The following ATP1B3 variants were observed in gnomAD, a reference collection of about 807,000 sequenced individuals.
ATP1B3 encodes the protein ATPase Na+/K+ transporting subunit beta 3, also known as sodium/potassium-transporting ATPase subunit beta-3.
ATP1B3 carries 10 observed loss-of-function variants against 30.2 expected under a neutral mutation model. The ratio of observed to expected loss-of-function variants is 0.33; its 90% CI spans 0.20 to 0.56. The LOEUF is 0.56. ATP1B3 is among the 20% of genes least tolerant of loss of function. The pLI is 0.90. For missense variants in ATP1B3, 238 were observed against 336.7 expected (o/e 0.71, Z 2.29); for synonymous variants, 113 against 117.0 (o/e 0.97, Z 0.22).
chr3:141,878,794 T>C (rs546189636), intron 1 of ATP1B3, among the ~76,000 whole-genome samples: 1 of 152,338 alleles, frequency 6.6e-6, no homozygotes, highest in East Asian at 1.9e-4. Flanking sequence ...GTAATAATAG[T>C]AAGTCAGTGA....
intron 1 of ATP1B3, among the ~76,000 whole-genome samples, chr3:141,898,598 A>G (rs984420568): frequency 2.6e-5 from 4 of 152,230 alleles, no homozygotes; most frequent in Non-Finnish European, 5.9e-5. Context: ...ACACAGTAAA[A>G]GAAGTGTTAA....
intron 1 of ATP1B3, chr3:141,902,169 T>C: frequency 7.8e-7 from 1 of 1,289,858 alleles, no homozygotes; most frequent in Non-Finnish European, 1.0e-6. Context: ...TGATGCTGTC[T>C]GAAGGTGACA....
chr3:141,902,315 G>A (rs766126328), intron 1 of ATP1B3: 128 of 966,656 alleles, frequency 1.3e-4, no homozygotes, highest in Non-Finnish European at 1.8e-4. Flanking sequence ...AAAGGGGGTT[G>A]GGGGTGATTC....
chr3:141,885,662 G>T (rs1933814988), intron 1 of ATP1B3, among the ~76,000 whole-genome samples: 1 of 152,052 alleles, frequency 6.6e-6, no homozygotes, highest in East Asian at 1.9e-4. Context: ...TGGTCAGGCT[G>T]ATCTCGAACT....
At chr3:141,886,602 TGAG>T in intron 1 of ATP1B3, among the ~76,000 whole-genome samples, 1 of 152,350 alleles carries the variant, frequency 6.6e-6, no homozygotes, top group Middle Eastern at 3.4e-3. Context: ...ACCAGTATAC[TGAG>T]AAGATGACCA....
chr3:141,885,144 G>A (rs1023959575), intron 1 of ATP1B3, among the ~76,000 whole-genome samples: 5 of 152,078 alleles, frequency 3.3e-5, no homozygotes, highest in Non-Finnish European at 5.9e-5. Flanking sequence ...TGTCGTCTAG[G>A]CTCCAGACTT....
intron 1 of ATP1B3, among the ~76,000 whole-genome samples, chr3:141,884,221 A>G (rs1393309585): frequency 6.6e-6 from 1 of 152,076 alleles, no homozygotes; most frequent in Non-Finnish European, 1.5e-5. Context: ...TTGTGGAGCT[A>G]GCTCTTATTT....
chr3:141,921,704 T>A (rs947339350), intron 5 of ATP1B3: 4 of 214,334 alleles, frequency 1.9e-5, no homozygotes, highest in African/African-American at 4.7e-5. Flanking sequence ...CAGGAGTACA[T>A]GAGTTAAAGA....
At position 141,893,646 on chromosome 3, in the gene ATP1B3, C is replaced by G. The variant is rs567203258; in HGVS notation, c.110-9974C>G. 2.4e-4 allele frequency among the ~76,000 whole-genome samples: 36 copies of G among 152,268 alleles called. No individual in the cohort carries two copies. In the East Asian group the frequency reaches 6.4e-3, roughly 27 times the overall value. ...AACAGCTTTATTGAGGTATAATTAACATACAATAAACTGCACATATTTGAA... is the reference window on the plus strand; with the variant it reads ...AACAGCTTTATTGAGGTATAATTAAGATACAATAAACTGCACATATTTGAA... On this transcript the variant is annotated intron_variant, in intron 1 of 6. Transcript: ENST00000286371.
At chr3:141,895,218 T>C (rs1041204673) in intron 1 of ATP1B3, among the ~76,000 whole-genome samples, 4 of 150,416 alleles carry the variant, frequency 2.7e-5, no homozygotes, top group African/African-American at 9.8e-5. Flanking sequence ...AGATGGACTC[T>C]TACCCTGTTG....
chr3:141,883,928 G>T (rs11721024), intron 1 of ATP1B3, among the ~76,000 whole-genome samples: 16,382 of 152,144 alleles, frequency 0.11, 1,083 homozygotes, highest in Middle Eastern at 0.16. Flanking sequence ...ACTCAGCTGG[G>T]TTTGTGACAT....
At chr3:141,882,753 T>C (rs572994466) in intron 1 of ATP1B3, among the ~76,000 whole-genome samples, 266 of 152,284 alleles carry the variant, frequency 1.7e-3, no homozygotes, top group Non-Finnish European at 2.9e-3. Context: ...CTAGCTAATT[T>C]TTGTATTTTT....
rs1486619625 is a variant in ATP1B3, at chr3:141,913,708, G to A, written c.403G>A (p.Glu135Lys). ...AGTCTGTCCTGATGGAGCACTTTTTGAACAGAAGGGTCCAGTTTATGTTGC... is the reference window on the plus strand; with the variant it reads ...AGTCTGTCCTGATGGAGCACTTTTTAAACAGAAGGGTCCAGTTTATGTTGC... ...LTVCPDGALF[E>K]QKGPVYVACQ... The change falls in exon 4 of 7, where the codon GAA becomes AAA. Residue 135 changes from glutamate to lysine, a missense_variant. Glu to Lys is a moderately conservative substitution (Grantham distance 56, BLOSUM62 1). Coordinates refer to ENST00000286371, the MANE Select transcript of ATP1B3 (RefSeq NM_001679.4). 2 of 1,613,426 alleles carry A rather than the reference G, an allele frequency of 1.2e-6. No homozygotes were observed. Among genetic ancestry groups the A allele is most frequent in the Admixed American group, 3.3e-5 (2 of 59,952 alleles).
chr3:141,878,157 G>A (rs1470143281), intron 1 of ATP1B3, among the ~76,000 whole-genome samples: 1 of 152,154 alleles, frequency 6.6e-6, no homozygotes, highest in East Asian at 1.9e-4. Flanking sequence ...ACCCAGAGAG[G>A]TTGTGATTTT....
At chr3:141,886,823 C>G (rs981496713) in intron 1 of ATP1B3, among the ~76,000 whole-genome samples, 4 of 152,090 alleles carry the variant, frequency 2.6e-5, no homozygotes, top group African/African-American at 9.7e-5. Context: ...CATAAGGAGA[C>G]CCCATCTCTA....
At chr3:141,917,775 T>TA (rs1302286207) in intron 5 of ATP1B3, among the ~76,000 whole-genome samples, 2 of 151,548 alleles carry the variant, frequency 1.3e-5, no homozygotes, top group African/African-American at 2.4e-5. Context: ...TATTTTATTT[T>TA]TTTTTTTTTG....
chr3:141,882,516 C>G (rs1206082643), intron 1 of ATP1B3, among the ~76,000 whole-genome samples: 2 of 152,144 alleles, frequency 1.3e-5, no homozygotes, highest in Non-Finnish European at 2.9e-5. Flanking sequence ...TTGAATTTAT[C>G]TAGTCTGGTG....
intron 1 of ATP1B3, among the ~76,000 whole-genome samples, chr3:141,880,596 A>G (rs1933703006): frequency 6.6e-6 from 1 of 152,188 alleles, no homozygotes; most frequent in Non-Finnish European, 1.5e-5. Context: ...AAGTGTTGCC[A>G]TTAACATTTT....
At chr3:141,912,049 A>G (rs1428091526) in intron 3 of ATP1B3, among the ~76,000 whole-genome samples, 1 of 152,126 alleles carries the variant, frequency 6.6e-6, no homozygotes, top group Non-Finnish European at 1.5e-5. Flanking sequence ...ATTTTTTTGC[A>G]AAGTGTTGGA....
Sources: gnomAD v4.1 joint callset for allele counts (sites outside exome capture counted in the v4.1 genomes callset) on GRCh38, gnomAD v4.1.1 for gene constraint, MANE v1.5 for transcripts, NCBI Gene and HGNC (gene_info 2026-07-23, HGNC 2026-07-21) for gene names.